MX2: variants seen among roughly 807,000 people sequenced by gnomAD.
The protein encoded by MX2 is interferon-induced GTP-binding protein Mx2.
Under a neutral mutation model 74.0 loss-of-function variants are expected in MX2, and 51 were observed. That is an observed-to-expected ratio of 0.69 (90% CI 0.55 to 0.87). The LOEUF is 0.87. MX2 is among the 40% of genes least tolerant of loss of function. The pLI, the probability that MX2 is intolerant of heterozygous loss-of-function variation, is 0.00. For missense variants in MX2, 832 were observed against 908.7 expected, an observed-to-expected ratio of 0.92 and a Z score of 1.09; for synonymous variants, 369 against 339.3, an observed-to-expected ratio of 1.09 and a Z score of -0.96.
intron 5 of MX2, chr21:41,389,443 T>A (rs974711495): frequency 1.3e-5 from 2 of 152,042 alleles, no homozygotes; most frequent in African/African-American, 4.8e-5. Flanking sequence ...AACACTTGAG[T>A]CCAGGAGTTT....
intron 12 of MX2, among the ~76,000 whole-genome samples, chr21:41,405,859 C>T (rs541528390): frequency 6.7e-6 from 1 of 148,580 alleles, no homozygotes; most frequent in South Asian, 2.2e-4. Flanking sequence ...CACCTGCCAC[C>T]ACACCTGGCT....
At chr21:41,404,905 A>C (rs1383917866) in intron 12 of MX2, 1 of 151,656 alleles carries the variant, frequency 6.6e-6, no homozygotes, top group Non-Finnish European at 1.5e-5. Context: ...AAAGAAAAAA[A>C]AAAGAGAAAG....
Position 41,390,781 on chromosome 21 carries a change from G to A in MX2, c.871+78G>A, listed in dbSNP as rs546357954. ...AGCACTTTGGGAGGCCAAGACGGGCGGATCACGAGGTCAGGAGATTGAGAA... is the reference window on the plus strand; with the variant it reads ...AGCACTTTGGGAGGCCAAGACGGGCAGATCACGAGGTCAGGAGATTGAGAA... On this transcript the variant is annotated intron_variant, in intron 6 of 13. Transcript: ENST00000330714. 8.5e-5 allele frequency: 127 copies of A among 1,487,026 alleles called. No individual in the cohort carries two copies. In the African/African-American group the frequency reaches 1.4e-3, roughly 17 times the overall value. The allele number at this position is 1,487,026 out of a possible 1,614,324, so 92.1% of individuals were successfully genotyped here.
chr21:41,402,015 A>G lies in MX2; in HGVS notation c.1460A>G (p.Tyr487Cys), dbSNP rs746215548. ...HEEVEKYEKQ[Y>C]RGKELLGFVN... Reference sequence around the variant, plus strand: ...GAAGTTGAAAAATATGAAAAGCAGTATCGAGGCAAGGAGCTTCTGGGATTT... The same window carrying G: ...GAAGTTGAAAAATATGAAAAGCAGTGTCGAGGCAAGGAGCTTCTGGGATTT... Residue 487 changes from tyrosine (Y) to cysteine (C), a missense_variant, in exon 11 of 14, where the codon TAT becomes TGT. Tyr to Cys is a radical substitution (Grantham distance 194). Transcript: ENST00000330714. The surrounding 1 kb of genome is among the most constrained non-coding windows in gnomAD (Gnocchi z 4.5). The G allele has an allele frequency of 3.1e-6, 5 of 1,614,082 alleles. No homozygotes were observed.
chr21:41,364,620 C>A (rs1174980465), intron 1 of MX2: 1 of 152,044 alleles, frequency 6.6e-6, no homozygotes, highest in African/African-American at 2.4e-5. Flanking sequence ...TCTAGAGGGA[C>A]AGAACTAATG....
chr21:41,398,868 G>A (rs371975785), intron 8 of MX2, 29 bp from the exon 9 acceptor site: 1 of 1,605,794 alleles, frequency 6.2e-7, no homozygotes, highest in East Asian at 2.2e-5. Flanking sequence ...TTAAGCCGCA[G>A]TTTGATTGTT....
At chr21:41,371,964 AGT>A (rs1298921028) in intron 1 of MX2, among the ~76,000 whole-genome samples, 1 of 152,194 alleles carries the variant, frequency 6.6e-6, no homozygotes, top group Non-Finnish European at 1.5e-5. Flanking sequence ...TTTCAGCTTC[AGT>A]GTGTGATTGA....
intron 1 of MX2, among the ~76,000 whole-genome samples, chr21:41,362,316 G>C (rs1219501493): frequency 2.0e-5 from 3 of 152,078 alleles, no homozygotes; most frequent in African/African-American, 7.2e-5. Flanking sequence ...CCTCCATCCT[G>C]ATCTGGCCAA....
At chr21:41,395,899 C>T (rs1048504743) in intron 7 of MX2, 114 bp downstream of exon 7, 8 of 947,766 alleles carry the variant, frequency 8.4e-6, no homozygotes, top group Admixed American at 2.7e-5. Context: ...GGTAGTATAA[C>T]CTAGCCTCAC....
At position 41,403,861 on chromosome 21, in the gene MX2, C is replaced by T. The variant is rs2089849627; in HGVS notation, c.1650+518C>T. ...TGGGCTGGTGGATTGAAATCTCATT[C>T]CATAGTGCAGGCAAGCAAGAAGGAC... On this transcript the variant is annotated intron_variant, in intron 12 of 13. Transcript: ENST00000330714. 3.4e-5 allele frequency: 11 copies of T among 320,470 alleles called. 1 individual carries two copies. The highest frequency in any genetic ancestry group is 4.8e-4 in the Middle Eastern group (1 of 2,070). 19.9% of individuals were successfully genotyped at this position (320,470 alleles called of 1,614,324 possible).
At chr21:41,395,451 G>A (rs2089721711) in intron 6 of MX2, 136 bp from the exon 7 acceptor site, 1 of 687,518 alleles carries the variant, frequency 1.5e-6, no homozygotes, top group Non-Finnish European at 2.5e-6. Context: ...AGGGAATGAG[G>A]ATGGAATGAG....
rs2083981933 is a variant in MX2 at position 41,408,306 on chromosome 21, C to T, written c.*73C>T. On this transcript the variant is annotated 3_prime_UTR_variant, in exon 14 of 14. Transcript: ENST00000330714. ...TAAGGGGAGTCGGTGCAGGATGCCGCTTCTGCTTTGGGGCCAAACTCTTCT... is the reference window on the plus strand; with the variant it reads ...TAAGGGGAGTCGGTGCAGGATGCCGTTTCTGCTTTGGGGCCAAACTCTTCT... 12 of 1,565,884 alleles carry T rather than the reference C, an allele frequency of 7.7e-6. No homozygotes were observed. The highest frequency in any genetic ancestry group is 4.3e-6 in the Non-Finnish European group (5 of 1,156,670).
intron 1 of MX2, chr21:41,370,672 G>C (rs1414203618): frequency 1.3e-5 from 2 of 152,250 alleles, no homozygotes; most frequent in African/African-American, 4.8e-5. Context: ...ATTGCCTTCA[G>C]TGAAATTGAG....
At chr21:41,369,136 G>A (rs963998221) in intron 1 of MX2, among the ~76,000 whole-genome samples, 2 of 152,354 alleles carry the variant, frequency 1.3e-5, no homozygotes, top group African/African-American at 2.4e-5. Flanking sequence ...AACGTTTTAC[G>A]AACCCAGGGC....
rs202206902 is a variant in MX2 at position 41,377,094 on chromosome 21, T to C, written c.188T>C (p.Phe63Ser). The C allele has an allele frequency of 1.1e-4, 182 of 1,614,026 alleles. No individual in the cohort carries two copies. In the Admixed American group the frequency reaches 3.0e-3, roughly 26 times the overall value. The stretch of plus-strand genomic sequence containing the variant: ...GACGCTGCTTTCCTCGCCAAGGACT[T>C]CAACTTTCTCACTTTGAACAATCAG... Reference protein sequence around the residue: ...EKDAAFLAKDFNFLTLNNQPP... With the variant: ...EKDAAFLAKDSNFLTLNNQPP... The change falls in exon 2 of 14, where the codon TTC becomes TCC. Residue 63 changes from phenylalanine (F) to serine (S), a missense_variant. By Grantham distance (155) the Phe-to-Ser change is radical (BLOSUM62 -2). Transcript: ENST00000330714.
At chr21:41,362,576 G>C (rs765041824) in intron 1 of MX2, among the ~76,000 whole-genome samples, 1 of 151,808 alleles carries the variant, frequency 6.6e-6, no homozygotes, top group East Asian at 1.9e-4. Flanking sequence ...ATTCTCTTCC[G>C]TTCTCATGGT....
chr21:41,369,224 G>A (rs1306630325), intron 1 of MX2, among the ~76,000 whole-genome samples: 3 of 152,182 alleles, frequency 2.0e-5, no homozygotes, highest in East Asian at 3.9e-4. Context: ...TGGACCTCTG[G>A]GAGCCAGGCT....
At chr21:41,369,257 AGCG>A (rs1434161611) in intron 1 of MX2, among the ~76,000 whole-genome samples, 1 of 152,162 alleles carries the variant, frequency 6.6e-6, no homozygotes, top group Non-Finnish European at 1.5e-5. Context: ...CTGAAGGCTG[AGCG>A]GCGGCGGGGC....
chr21:41,380,378 C>G lies in MX2; in HGVS notation c.577+227C>G, dbSNP rs1234582806. ...ATGCCGAGGACCCTCTGGTGGCTTCCCTTAGCAGCCTGCAGCCCACGTGGC... is the reference window on the plus strand; with the variant it reads ...ATGCCGAGGACCCTCTGGTGGCTTCGCTTAGCAGCCTGCAGCCCACGTGGC... On this transcript the variant is annotated intron_variant, in intron 4 of 13. Coordinates refer to ENST00000330714, the MANE Select transcript of MX2 (RefSeq NM_002463.2). The surrounding 1 kb of genome is among the most constrained non-coding windows in gnomAD (Gnocchi z 4.3). Among the ~76,000 whole-genome samples the G allele has an allele frequency of 6.6e-6, 1 of 152,196 alleles. No homozygotes were observed. Among genetic ancestry groups the G allele is most frequent in the East Asian group, 1.9e-4 (1 of 5,194 alleles).
Sources: gnomAD v4.1 joint callset for allele counts (sites outside exome capture counted in the v4.1 genomes callset) on GRCh38, gnomAD v4.1.1 for gene constraint, Gnocchi (gnomAD v3.1) non-coding constraint, MANE v1.5 for transcripts, NCBI Gene and HGNC (gene_info 2026-07-23, HGNC 2026-07-21) for gene names.